The following DPP6 variants were observed in gnomAD, a reference collection of about 807,000 sequenced individuals.
The protein encoded by DPP6 is dipeptidyl peptidase like 6.
A neutral mutation model predicts 122.6 loss-of-function variants in DPP6; 69 were observed. The ratio of observed to expected loss-of-function variants is 0.56; its 90% confidence interval spans 0.46 to 0.69. The LOEUF (loss-of-function observed/expected upper bound fraction) is 0.69. Ranked by LOEUF, DPP6 falls within the 30% of genes least tolerant of loss-of-function variation. DPP6 has a pLI of 0.00. For synonymous variants in DPP6, 418 were observed against 433.1 expected (o/e 0.97, Z 0.43); for missense variants, 928 against 1,116.9 (o/e 0.83, Z 2.41).
chr7:154,870,965 A>C (rs1259154186), intron 18 of DPP6, among the ~76,000 whole-genome samples: 1 of 30,942 alleles, frequency 3.2e-5, no homozygotes, highest in African/African-American at 2.8e-4. Flanking sequence ...TCCATCTCAA[A>C]AAAAAAAAAA....
chr7:154,598,253 T>C (rs1469747705), intron 5 of DPP6, among the ~76,000 whole-genome samples: 1 of 152,238 alleles, frequency 6.6e-6, no homozygotes, highest in African/African-American at 2.4e-5. Context: ...CCAGTCCTGA[T>C]TTTCATACCA....
At chr7:153,873,841 A>T in the DPP6 span, among the ~76,000 whole-genome samples, 1 of 152,236 alleles carries the variant, frequency 6.6e-6, no homozygotes, top group East Asian at 1.9e-4. Context: ...AGAGAGGTAG[A>T]GAAATATAGG....
chr7:154,576,032 T>G (rs957347496), intron 5 of DPP6, among the ~76,000 whole-genome samples: 75,926 of 151,824 alleles, frequency 0.5, 20,355 homozygotes, highest in East Asian at 0.95. Flanking sequence ...GACCATGCAT[T>G]CCAGGCCGGC....
chr7:154,661,801 C>A (rs10085430), intron 6 of DPP6, among the ~76,000 whole-genome samples: 1 of 111,088 alleles, frequency 9.0e-6, no homozygotes, highest in South Asian at 3.3e-4. Flanking sequence ...ATCACCATGG[C>A]GTGTTGGCCC....
chr7:154,313,751 A>ACC (rs1563460894), intron 1 of DPP6, among the ~76,000 whole-genome samples: 1,017 of 45,180 alleles, frequency 0.023, 173 homozygotes, highest in African/African-American at 0.061. Flanking sequence ...ACACACACAC[A>ACC]CCCTTACATA....
chr7:154,141,896 T>C (rs1478152643), intron 1 of DPP6, among the ~76,000 whole-genome samples: 1 of 152,228 alleles, frequency 6.6e-6, no homozygotes, highest in Non-Finnish European at 1.5e-5. Context: ...TCAATTTGCT[T>C]ATGTTAAAAA....
chr7:154,565,726 T>C (rs1830703012), intron 4 of DPP6, among the ~76,000 whole-genome samples: 1 of 152,152 alleles, frequency 6.6e-6, no homozygotes, highest in African/African-American at 2.4e-5. Context: ...AGTTTCTCCA[T>C]ATTGGTCAGG....
chr7:154,542,428 G>A (rs777702350), intron 4 of DPP6, among the ~76,000 whole-genome samples: 2 of 152,218 alleles, frequency 1.3e-5, no homozygotes, highest in Admixed American at 6.5e-5. Context: ...CTGTGAGGAT[G>A]TCAGTTTAGT....
At chr7:154,523,491 C>T (rs949543303) in intron 3 of DPP6, among the ~76,000 whole-genome samples, 3 of 152,186 alleles carry the variant, frequency 2.0e-5, no homozygotes, top group East Asian at 1.9e-4. Context: ...CTGACAAAAA[C>T]GACCATAATC....
chr7:154,468,298 G>T (rs1038352849), intron 2 of DPP6, among the ~76,000 whole-genome samples: 3 of 152,226 alleles, frequency 2.0e-5, no homozygotes, highest in African/African-American at 7.2e-5. Flanking sequence ...TGGTTGCGAA[G>T]AGCTGAAGAG....
At chr7:154,487,369 C>G (rs1237502527) in intron 3 of DPP6, among the ~76,000 whole-genome samples, 4 of 152,144 alleles carry the variant, frequency 2.6e-5, no homozygotes, top group South Asian at 4.1e-4. Context: ...GCCCCTCCAT[C>G]CTCCTACCTA....
intron 1 of DPP6, among the ~76,000 whole-genome samples, chr7:154,196,450 G>T (rs1428562925): frequency 1.3e-5 from 2 of 152,124 alleles, no homozygotes; most frequent in South Asian, 2.1e-4. Context: ...AGATTGTGCC[G>T]CTGCACTCCA....
intron 1 of DPP6, among the ~76,000 whole-genome samples, chr7:154,286,514 G>T (rs1350782370): frequency 6.6e-6 from 1 of 152,202 alleles, no homozygotes; most frequent in Non-Finnish European, 1.5e-5. Flanking sequence ...GACTTGAAAT[G>T]TTCATTGCAC....
At chr7:154,424,470 C>T (rs774195885) in intron 1 of DPP6, among the ~76,000 whole-genome samples, 17 of 152,182 alleles carry the variant, frequency 1.1e-4, no homozygotes, top group Admixed American at 1.3e-4. Context: ...CTCTTTCCTC[C>T]GCCTTCAGAG....
At chr7:153,799,520 T>C in the DPP6 span, among the ~76,000 whole-genome samples, 1 of 152,148 alleles carries the variant, frequency 6.6e-6, no homozygotes. Context: ...CGCCTCCATG[T>C]ACACACCATC....
At chr7:154,332,787 A>G (rs773430588) in intron 1 of DPP6, among the ~76,000 whole-genome samples, 1 of 152,204 alleles carries the variant, frequency 6.6e-6, no homozygotes, top group African/African-American at 2.4e-5. Flanking sequence ...AGCTCTAGGA[A>G]TAATTTTTCT....
intron 1 of DPP6, among the ~76,000 whole-genome samples, chr7:153,922,782 A>G (rs903929666): frequency 2.6e-5 from 4 of 152,220 alleles, no homozygotes; most frequent in Non-Finnish European, 5.9e-5. Context: ...CAGGAGAGAA[A>G]GGGTTCTATC....
At position 154,241,502 on chromosome 7, in the gene DPP6, G is replaced by A. The variant is rs1438709186; in HGVS notation, c.243+188439G>A. Among the ~76,000 whole-genome samples, 1 of 152,018 alleles carries A rather than the reference G, an allele frequency of 6.6e-6. No homozygotes were observed. Among genetic ancestry groups the A allele is most frequent in the African/African-American group, 2.4e-5 (1 of 41,374 alleles). On this transcript the variant is annotated intron_variant, in intron 1 of 25. Coordinates refer to ENST00000377770, the MANE Select transcript of DPP6 (RefSeq NM_130797.4). This position sits in a 1 kb window ranked among gnomAD's most constrained non-coding sequence, Gnocchi z 9.0. Reference sequence around the variant, plus strand: ...TTGAACCCAGGAGAAGGAGGTTGCAGTGAGTTGTGGTCACTCCACTGCACT... The same window carrying A: ...TTGAACCCAGGAGAAGGAGGTTGCAATGAGTTGTGGTCACTCCACTGCACT...
Position 154,803,896 on chromosome 7 carries a change from C to A in DPP6, c.1440C>A (p.Ile480=). The A allele has an allele frequency of 6.2e-7, 1 of 1,613,918 alleles. No homozygotes were observed. Among genetic ancestry groups the A allele is most frequent in the Non-Finnish European group, 8.5e-7 (1 of 1,179,830 alleles). Reference sequence around the variant, plus strand: ...GCAGCAACGACAACATCCAGTCCATCACCTCCGGGGACTGGGACGTGACCA... The same window carrying A: ...GCAGCAACGACAACATCCAGTCCATAACCTCCGGGGACTGGGACGTGACCA... ...PNSSNDNIQS[I]TSGDWDVTKI... is the part of the protein sequence containing the mutation. The change falls in exon 14 of 26, where the codon ATC becomes ATA. Residue 480 remains isoleucine (I), a synonymous_variant. Transcript: ENST00000377770.
Sources: allele counts gnomAD v4.1 joint callset (sites outside exome capture counted in the v4.1 genomes callset), GRCh38; gene constraint gnomAD v4.1.1; non-coding constraint Gnocchi (gnomAD v3.1); transcripts MANE v1.5; gene names NCBI Gene and HGNC (gene_info 2026-07-23, HGNC 2026-07-21).